The following MED16 variants were observed in gnomAD, a reference collection of about 807,000 sequenced individuals.
The protein encoded by MED16 is mediator of RNA polymerase II transcription subunit 16.
Under a neutral mutation model 84.4 loss-of-function variants are expected in MED16, and 81 were observed. The ratio of observed to expected loss-of-function variants is 0.96; its 90% CI spans 0.80 to 1.15. The LOEUF is 1.15. Ranked by LOEUF, MED16 falls within the 50% of genes most tolerant of loss-of-function variation. The probability of loss-of-function intolerance (pLI) is 0.00; values close to 1 mark genes in which losing one functional copy is unlikely to be tolerated. For synonymous variants in MED16, 897 were observed against 552.2 expected, an observed-to-expected ratio of 1.62 and a Z score of -8.76; for missense variants, 1,585 against 1,245.9, an observed-to-expected ratio of 1.27 and a Z score of -4.10.
intron 13 of MED16, among the ~76,000 whole-genome samples, chr19:870,302 T>C (rs1376570911): frequency 6.6e-6 from 1 of 152,130 alleles, no homozygotes; most frequent in Non-Finnish European, 1.5e-5. Context: ...GGCTCACACC[T>C]GTAATCCCAG....
chr19:873,327 GGGCGGGACTCCAAC>G, intron 11 of MED16, 108 bp downstream of exon 11: 3 of 304,166 alleles, frequency 9.9e-6, no homozygotes, highest in Non-Finnish European at 1.4e-5. Flanking sequence ...CTCCAAGTAG[GGGCGGGACTCCAAC>G]TAGGGGCGGG....
At position 875,336 on chromosome 19, in the gene MED16, A is replaced by C; in HGVS notation, c.1679T>G (p.Leu560Arg). 1.2e-6 allele frequency: 2 copies of C among 1,610,060 alleles called. No homozygotes were observed. Among genetic ancestry groups the C allele is most frequent in the East Asian group, 2.2e-5 (1 of 44,836 alleles). ...AAAGTGGGGGCGCAGCAGCGACTTC[A>C]GGGTGGAGCTGATGGCGATGAGGAA... ...KLFLIAISST[L>R]KSLLRPHFLN... is the part of the protein sequence containing the mutation. Residue 560 changes from leucine to arginine, a missense_variant, in exon 10 of 16, where the codon CTG becomes CGG. Physicochemically the swap from Leu to Arg is moderately radical, Grantham distance 102. Transcript: ENST00000325464.
At chr19:886,840 C>T (rs2036536368) in intron 4 of MED16, among the ~76,000 whole-genome samples, 1 of 152,162 alleles carries the variant, frequency 6.6e-6, no homozygotes, top group South Asian at 2.1e-4. Flanking sequence ...CTTTGGGGGG[C>T]TGAGGCAGGT....
At position 885,828 on chromosome 19, in the gene MED16, T is replaced by C; in HGVS notation, c.821A>G (p.Lys274Arg). Reference protein sequence around the residue: ...FMRCTTDLNRKDKFPAITHLK... With the variant: ...FMRCTTDLNRRDKFPAITHLK... ...GTGGGTGATGGCGGGAAACTTGTCC[T>C]TGCGGTTGAGGTCGGTGGTGCAGCG... The change falls in exon 5 of 16, where the codon AAG becomes AGG. Residue 274 changes from lysine to arginine, a missense_variant. Coordinates refer to ENST00000325464, the MANE Select transcript of MED16 (RefSeq NM_005481.3). 1 of 1,613,562 alleles carries C rather than the reference T, an allele frequency of 6.2e-7. No homozygotes were observed. The highest frequency in any genetic ancestry group is 8.5e-7 in the Non-Finnish European group (1 of 1,179,958).
chr19:876,066 C>T (rs915144155), intron 9 of MED16, among the ~76,000 whole-genome samples: 12 of 152,206 alleles, frequency 7.9e-5, no homozygotes, highest in African/African-American at 2.4e-4. Context: ...ATCCCAGCCA[C>T]GCTGGGGTTT....
chr19:873,742 C>T (rs959246881), intron 10 of MED16, among the ~76,000 whole-genome samples, 160 bp from the exon 11 acceptor site: 1 of 151,966 alleles, frequency 6.6e-6, no homozygotes, highest in African/African-American at 2.4e-5. Context: ...CGTTGCCGGA[C>T]GGAGAGGAAC....
intron 10 of MED16, 25 bp downstream of exon 10, chr19:875,219 G>T: frequency 6.7e-7 from 1 of 1,495,250 alleles, no homozygotes; most frequent in Non-Finnish European, 9.1e-7. Context: ...AAACCTCGAG[G>T]CCCCGGGCGT....
At chr19:884,325 G>A (rs917772992) in intron 6 of MED16, among the ~76,000 whole-genome samples, 1 of 152,186 alleles carries the variant, frequency 6.6e-6, no homozygotes, top group African/African-American at 2.4e-5. Context: ...TTGTGCCGGA[G>A]GTGGGGATGA....
rs2036420702 is a variant in MED16, at chr19:881,412, G to A, written c.1141+147C>T. 3.4e-6 allele frequency: 3 copies of A among 884,214 alleles called. No individual in the cohort carries two copies. In the South Asian group the frequency reaches 6.9e-5, roughly 20 times the overall value. 54.8% of individuals were successfully genotyped at this position (884,214 alleles called of 1,614,324 possible). ...CTAATTGGGAACCCATCAGAACCCA[G>A]AAGGCTGAGCTCCTACAGCCCCATG... On this transcript the variant is annotated intron_variant, in intron 7 of 15. Transcript: ENST00000325464.
intron 13 of MED16, among the ~76,000 whole-genome samples, chr19:869,965 G>C (rs1185746832): frequency 6.6e-6 from 1 of 152,136 alleles, no homozygotes; most frequent in African/African-American, 2.4e-5. Flanking sequence ...CGTGAAATGG[G>C]GTGACAAGGT....
Position 880,087 on chromosome 19 carries a change from G to T in MED16, c.1203C>A (p.Thr401=). ...VHIVHRLSLQ[T]MAVFYSSAAP... Reference sequence around the variant, plus strand: ...CCGCGGAGCTGTAGAAGACGGCCATGGTCTGCAGTGAGAGCCGGTGCACGA... The same window carrying T: ...CCGCGGAGCTGTAGAAGACGGCCATTGTCTGCAGTGAGAGCCGGTGCACGA... The change falls in exon 8 of 16, where the codon ACC becomes ACA. Residue 401 remains threonine (T), a synonymous_variant. Transcript: ENST00000325464. 1.9e-6 allele frequency: 3 copies of T among 1,610,916 alleles called. No homozygotes were observed. The highest frequency in any genetic ancestry group is 2.5e-6 in the Non-Finnish European group (3 of 1,179,438).
At chr19:881,110 G>A (rs1225876053) in intron 7 of MED16, among the ~76,000 whole-genome samples, 1 of 152,106 alleles carries the variant, frequency 6.6e-6, no homozygotes, top group Non-Finnish European at 1.5e-5. Context: ...GGAAGAAAGG[G>A]CCTGAGCTAG....
chr19:876,268 TGG>T, intron 9 of MED16, among the ~76,000 whole-genome samples: 1 of 152,234 alleles, frequency 6.6e-6, no homozygotes, highest in African/African-American at 2.4e-5. Flanking sequence ...GAGGACACTC[TGG>T]GATTGCAGGC....
chr19:889,673 G>A lies in MED16; in HGVS notation c.412C>T (p.His138Tyr), dbSNP rs2036594069. The change falls in exon 4 of 16, where the codon CAC becomes TAC. Residue 138 changes from histidine (H) to tyrosine (Y), a missense_variant. Physicochemically the swap from His to Tyr is moderately conservative, Grantham distance 83. Transcript: ENST00000325464. ...TGCAGGGCCAGTTTCACACCATTGTGCAGCCAGGACAGGGCCACAATGGGG... is the reference window on the plus strand; with the variant it reads ...TGCAGGGCCAGTTTCACACCATTGTACAGCCAGGACAGGGCCACAATGGGG... ...GDPIVALSWLHNGVKLALHVE... is the reference protein window; with the variant it reads ...GDPIVALSWLYNGVKLALHVE... 1.2e-6 allele frequency: 2 copies of A among 1,613,732 alleles called. No individual in the cohort carries two copies. Among genetic ancestry groups the A allele is most frequent in the East Asian group, 4.5e-5 (2 of 44,870 alleles).
chr19:881,446 TCA>T, intron 7 of MED16, 111 bp downstream of exon 7: 1 of 1,292,254 alleles, frequency 7.7e-7, no homozygotes, highest in Non-Finnish European at 1.0e-6. Flanking sequence ...TGGCCTGTGC[TCA>T]GAGCCCACGT....
Position 871,238 on chromosome 19 carries a change from G to A in MED16, c.2114C>T (p.Pro705Leu), listed in dbSNP as rs763076728. The change falls in exon 13 of 16, where the codon CCA becomes CTA. Residue 705 changes from proline (P) to leucine (L), a missense_variant. By Grantham distance (98) the Pro-to-Leu change is moderately conservative (BLOSUM62 -3). Coordinates refer to ENST00000325464, the MANE Select transcript of MED16 (RefSeq NM_005481.3). ...CAGCGCCTCGTCCGGCTCGCTCGCT[G>A]GGCCCTCATCGCGACCTGCGGAGAG... ...KLWICCRDEG[P>L]ASEPDEALVD... 5.2e-6 allele frequency: 8 copies of A among 1,539,922 alleles called. No homozygotes were observed. Among genetic ancestry groups the A allele is most frequent in the South Asian group, 3.6e-5 (3 of 84,012 alleles).
rs374360521 is a variant in MED16, at chr19:891,084, G to A, written c.48C>T (p.Ala16=). ...RPAAGGMMDL[A]YVCEWEKWSK... Reference sequence around the variant, plus strand: ...ACCATTTCTCCCACTCACAGACGTAGGCCAAGTCCATCATCCCACCTGCCG... The same window carrying A: ...ACCATTTCTCCCACTCACAGACGTAAGCCAAGTCCATCATCCCACCTGCCG... Residue 16 remains alanine (A), a synonymous_variant, in exon 2 of 16, where the codon GCC becomes GCT. Coordinates refer to ENST00000325464, the MANE Select transcript of MED16 (RefSeq NM_005481.3). The A allele has an allele frequency of 3.7e-6, 6 of 1,614,040 alleles. No homozygotes were observed. Among genetic ancestry groups the A allele is most frequent in the East Asian group, 4.5e-5 (2 of 44,876 alleles).
chr19:876,657 C>T (rs2036238241), intron 9 of MED16, among the ~76,000 whole-genome samples: 1 of 152,088 alleles, frequency 6.6e-6, no homozygotes, highest in African/African-American at 2.4e-5. Context: ...AGGCTACCTG[C>T]CCCTCTTGCC....
chr19:877,301 T>G, intron 8 of MED16, 121 bp from the exon 9 acceptor site: 1 of 848,096 alleles, frequency 1.2e-6, no homozygotes, highest in South Asian at 1.6e-5. Flanking sequence ...CGCCCGTGTG[T>G]GGGCCTGTGT....
Sources: gnomAD v4.1 joint callset for allele counts (sites outside exome capture counted in the v4.1 genomes callset) on GRCh38, gnomAD v4.1.1 for gene constraint, MANE v1.5 for transcripts, NCBI Gene and HGNC (gene_info 2026-07-23, HGNC 2026-07-21) for gene names.